Variants in SEMA5A observed in about 807,000 individuals in gnomAD.
SEMA5A encodes semaphorin 5A.
SEMA5A carries 55 observed loss-of-function variants against 135.5 expected under a neutral mutation model. That is an observed-to-expected ratio of 0.41 (90% CI 0.33 to 0.51). The LOEUF (loss-of-function observed/expected upper bound fraction) is 0.51. Among genes scored for constraint, SEMA5A ranks in the 20% least tolerant of loss-of-function variants. The pLI, the probability that SEMA5A is intolerant of heterozygous loss-of-function variation, is 0.37. For synonymous variants in SEMA5A, 580 were observed against 546.5 expected, an observed-to-expected ratio of 1.06 and a Z score of -0.85; for missense variants, 1,290 against 1,419.9, an observed-to-expected ratio of 0.91 and a Z score of 1.47.
intron 12 of SEMA5A, among the ~76,000 whole-genome samples, chr5:9,151,923 A>G (rs1025430558): frequency 1.3e-5 from 2 of 152,198 alleles, no homozygotes; most frequent in Non-Finnish European, 2.9e-5. Context: ...GGAAAGAGGG[A>G]ACAGTGAACT....
rs1006999610 is a variant in SEMA5A at position 9,403,474 on chromosome 5, C to T, written c.-77-23451G>A. ...CCCTTGCTGGCTGGGTGACTTTGGG[C>T]GAGTTATTTCACCTCACTAACATTC... On this transcript the variant is annotated intron_variant, in intron 2 of 22. Coordinates refer to ENST00000382496, the MANE Select transcript of SEMA5A (RefSeq NM_003966.3). 7.9e-5 allele frequency among the ~76,000 whole-genome samples: 12 copies of T among 152,088 alleles called. No individual in the cohort carries two copies. In the South Asian group the frequency reaches 8.3e-4, roughly 11 times the overall value.
chr5:9,394,787 G>A (rs1756316866), intron 2 of SEMA5A, among the ~76,000 whole-genome samples: 1 of 152,112 alleles, frequency 6.6e-6, no homozygotes, highest in African/African-American at 2.4e-5. Context: ...GTTATAAGTA[G>A]TATGGCACAT....
At chr5:9,492,641 T>A (rs1185923958) in intron 1 of SEMA5A, among the ~76,000 whole-genome samples, 1 of 152,206 alleles carries the variant, frequency 6.6e-6, no homozygotes, top group Non-Finnish European at 1.5e-5. Context: ...TACATAAATC[T>A]TTATTTAGAA....
chr5:9,236,156 T>A (rs1747896137), intron 6 of SEMA5A, among the ~76,000 whole-genome samples: 1 of 152,118 alleles, frequency 6.6e-6, no homozygotes, highest in African/African-American at 2.4e-5. Context: ...GAAGCTATAA[T>A]TCAAGATGGA....
At chr5:9,407,217 T>C (rs1377930062) in intron 2 of SEMA5A, among the ~76,000 whole-genome samples, 1 of 152,334 alleles carries the variant, frequency 6.6e-6, no homozygotes, top group East Asian at 1.9e-4. Flanking sequence ...AAAGATACAA[T>C]CTACAAAAAG....
At chr5:9,540,317 C>T (rs1052623723) in intron 1 of SEMA5A, among the ~76,000 whole-genome samples, 25 of 151,866 alleles carry the variant, frequency 1.6e-4, no homozygotes, top group Non-Finnish European at 3.1e-4. Flanking sequence ...AGGCCGGGCG[C>T]GGTGGCTCAC....
At chr5:9,074,482 AC>A (rs1032538785) in intron 16 of SEMA5A, among the ~76,000 whole-genome samples, 6 of 152,310 alleles carry the variant, frequency 3.9e-5, no homozygotes, top group East Asian at 3.9e-4. Context: ...AATAAAAAAA[AC>A]AATTAAAATG....
At chr5:9,216,955 A>C (rs2150398926) in intron 8 of SEMA5A, among the ~76,000 whole-genome samples, 1 of 151,890 alleles carries the variant, frequency 6.6e-6, no homozygotes, top group East Asian at 1.9e-4. Flanking sequence ...TGTGCCCTTT[A>C]AGGGGAGCAT....
chr5:9,386,964 C>T (rs546665748), intron 2 of SEMA5A, among the ~76,000 whole-genome samples: 1 of 152,246 alleles, frequency 6.6e-6, no homozygotes, highest in East Asian at 1.9e-4. Flanking sequence ...GTCAAGGACT[C>T]CCAGAATTTG....
At chr5:9,403,941 T>C (rs1184005476) in intron 2 of SEMA5A, among the ~76,000 whole-genome samples, 1 of 140,804 alleles carries the variant, frequency 7.1e-6, no homozygotes, top group Non-Finnish European at 1.6e-5. Context: ...TTTGTCTGTT[T>C]GTTTGTTTTT....
chr5:9,064,729 C>T (rs1302835691), intron 17 of SEMA5A, among the ~76,000 whole-genome samples: 1 of 152,006 alleles, frequency 6.6e-6, no homozygotes, highest in Non-Finnish European at 1.5e-5. Flanking sequence ...CCTGTCTCAA[C>T]AAACAAACAA....
At chr5:9,287,230 G>GA (rs1223419366) in intron 5 of SEMA5A, among the ~76,000 whole-genome samples, 1 of 152,136 alleles carries the variant, frequency 6.6e-6, no homozygotes, top group Non-Finnish European at 1.5e-5. Context: ...AGCATGATCC[G>GA]AAAAATGCCA....
At chr5:9,467,125 T>A (rs887326495) in intron 1 of SEMA5A, among the ~76,000 whole-genome samples, 1 of 152,172 alleles carries the variant, frequency 6.6e-6, no homozygotes, top group South Asian at 2.1e-4. Flanking sequence ...TGTTCTTTTT[T>A]TTTTTGAGAC....
At chr5:9,193,454 T>G (rs1242754159) in intron 10 of SEMA5A, among the ~76,000 whole-genome samples, 1 of 152,212 alleles carries the variant, frequency 6.6e-6, no homozygotes, top group Non-Finnish European at 1.5e-5. Context: ...TATTTGCACT[T>G]TTGTTTATTT....
intron 16 of SEMA5A, among the ~76,000 whole-genome samples, chr5:9,068,146 C>T (rs1172959891): frequency 6.6e-6 from 1 of 152,176 alleles, no homozygotes; most frequent in Non-Finnish European, 1.5e-5. Flanking sequence ...ATTCCCTTTG[C>T]TTTTTTGGAT....
intron 5 of SEMA5A, among the ~76,000 whole-genome samples, chr5:9,297,648 AG>A (rs891044523): frequency 6.6e-6 from 1 of 151,738 alleles, no homozygotes; most frequent in Admixed American, 6.6e-5. Flanking sequence ...TCAACCTCCC[AG>A]GCTCAAATGA....
At chr5:9,088,724 T>C (rs1046560068) in intron 16 of SEMA5A, among the ~76,000 whole-genome samples, 13 of 150,062 alleles carry the variant, frequency 8.7e-5, no homozygotes, top group African/African-American at 3.0e-4. Flanking sequence ...CACTCTCATA[T>C]AAGAGATTTT....
intron 5 of SEMA5A, among the ~76,000 whole-genome samples, chr5:9,287,016 C>T (rs549002301): frequency 6.6e-6 from 1 of 152,270 alleles, no homozygotes; most frequent in South Asian, 2.1e-4. Flanking sequence ...TACATGTACC[C>T]AATGCATTGA....
intron 11 of SEMA5A, among the ~76,000 whole-genome samples, chr5:9,187,300 A>G (rs897576703): frequency 6.6e-5 from 10 of 152,214 alleles, no homozygotes; most frequent in Non-Finnish European, 1.5e-4. Context: ...AAACAGTGCT[A>G]TAAGAGTAAA....
Sources: gnomAD v4.1 joint callset for allele counts (sites outside exome capture counted in the v4.1 genomes callset) on GRCh38, gnomAD v4.1.1 for gene constraint, MANE v1.5 for transcripts, NCBI Gene and HGNC (gene_info 2026-07-23, HGNC 2026-07-21) for gene names.